ARHGAP24: variants seen among roughly 807,000 people sequenced by gnomAD.
The protein encoded by ARHGAP24 is Rho GTPase activating protein 24, also known as rho GTPase-activating protein 24.
ARHGAP24 carries 50 observed loss-of-function variants against 76.4 expected under a neutral mutation model. The observed-to-expected ratio is 0.65, with a 90% confidence interval of 0.52 to 0.83. ARHGAP24 has a LOEUF of 0.83. Among genes scored for constraint, ARHGAP24 ranks in the 40% least tolerant of loss-of-function variants. The pLI, the probability that ARHGAP24 is intolerant of heterozygous loss-of-function variation, is 0.00. For synonymous variants in ARHGAP24, 345 were observed against 323.3 expected, an observed-to-expected ratio of 1.07 and a Z score of -0.72; for missense variants, 930 against 914.2, an observed-to-expected ratio of 1.02 and a Z score of -0.22.
At chr4:85,963,592 G>A (rs1738388448) in intron 5 of ARHGAP24, among the ~76,000 whole-genome samples, 1 of 151,798 alleles carries the variant, frequency 6.6e-6, no homozygotes. Flanking sequence ...TTCTTTTTTG[G>A]TTAAAACACC....
At chr4:85,582,727 A>G (rs1212007404) in intron 2 of ARHGAP24, among the ~76,000 whole-genome samples, 1 of 152,140 alleles carries the variant, frequency 6.6e-6, no homozygotes, top group East Asian at 1.9e-4. Context: ...ACAACCTAGT[A>G]TTACCGGGGG....
intron 2 of ARHGAP24, among the ~76,000 whole-genome samples, chr4:85,587,859 G>C (rs1310237996): frequency 5.7e-4 from 87 of 152,172 alleles, no homozygotes; most frequent in Admixed American, 5.7e-3. Context: ...GCTCGATTAT[G>C]ATGGGGGAGA....
At chr4:85,961,419 G>A (rs761252109) in intron 5 of ARHGAP24, among the ~76,000 whole-genome samples, 2 of 152,140 alleles carry the variant, frequency 1.3e-5, no homozygotes, top group Admixed American at 6.6e-5. Flanking sequence ...TAGAGATTCA[G>A]CTGCGTAAAA....
intron 2 of ARHGAP24, among the ~76,000 whole-genome samples, chr4:85,699,856 A>G (rs1724009689): frequency 6.6e-6 from 1 of 152,164 alleles, no homozygotes; most frequent in Admixed American, 6.5e-5. Flanking sequence ...GATGTATCCA[A>G]AGTACCTAGA....
At chr4:85,907,535 A>G (rs1158222938) in intron 3 of ARHGAP24, among the ~76,000 whole-genome samples, 1 of 152,154 alleles carries the variant, frequency 6.6e-6, no homozygotes, top group Non-Finnish European at 1.5e-5. Flanking sequence ...TGGCTGATAC[A>G]TAATTACCAG....
At chr4:85,580,968 C>G (rs531463307) in intron 2 of ARHGAP24, among the ~76,000 whole-genome samples, 14 of 152,196 alleles carry the variant, frequency 9.2e-5, no homozygotes, top group Non-Finnish European at 2.1e-4. Flanking sequence ...CTATGTTATA[C>G]TCTTATATTT....
At chr4:85,562,985 G>A (rs917102241) in intron 1 of ARHGAP24, among the ~76,000 whole-genome samples, 1 of 152,170 alleles carries the variant, frequency 6.6e-6, no homozygotes, top group Non-Finnish European at 1.5e-5. Context: ...CTTGAGGTGA[G>A]AATTGTTGCT....
chr4:85,523,200 A>G (rs759927876), intron 1 of ARHGAP24, among the ~76,000 whole-genome samples: 1 of 152,210 alleles, frequency 6.6e-6, no homozygotes, highest in Non-Finnish European at 1.5e-5. Flanking sequence ...TGCTTACTAC[A>G]TGTCTAGCAC....
At chr4:85,693,314 G>A (rs1036692463) in intron 2 of ARHGAP24, among the ~76,000 whole-genome samples, 3 of 152,166 alleles carry the variant, frequency 2.0e-5, no homozygotes, top group East Asian at 1.9e-4. Flanking sequence ...GTTCTGGGAT[G>A]CAGGGCTCAC....
intron 2 of ARHGAP24, among the ~76,000 whole-genome samples, chr4:85,664,447 C>G (rs1198185756): frequency 6.6e-6 from 1 of 151,064 alleles, no homozygotes; most frequent in Non-Finnish European, 1.5e-5. Flanking sequence ...TTTTGTTGAT[C>G]CTTTCAAAAA....
chr4:85,606,284 CG>C (rs1214701512), intron 2 of ARHGAP24, among the ~76,000 whole-genome samples: 1 of 152,074 alleles, frequency 6.6e-6, no homozygotes, highest in Non-Finnish European at 1.5e-5. Context: ...AAGGCCAAGG[CG>C]GGCAGATCAT....
At chr4:85,687,894 C>T (rs1482984163) in intron 2 of ARHGAP24, among the ~76,000 whole-genome samples, 1 of 152,040 alleles carries the variant, frequency 6.6e-6, no homozygotes, top group Non-Finnish European at 1.5e-5. Flanking sequence ...TCACTGCAAC[C>T]TCCACCTCCC....
chr4:85,483,913 A>C (rs1407561868), intron 1 of ARHGAP24, among the ~76,000 whole-genome samples: 1 of 152,230 alleles, frequency 6.6e-6, no homozygotes, highest in Non-Finnish European at 1.5e-5. Flanking sequence ...TCTGATGTAC[A>C]CTAAAGCTTG....
intron 2 of ARHGAP24, among the ~76,000 whole-genome samples, chr4:85,646,314 A>G (rs1211223614): frequency 1.3e-5 from 2 of 152,076 alleles, no homozygotes; most frequent in Non-Finnish European, 2.9e-5. Flanking sequence ...GAAATATGCC[A>G]TCATCATCAT....
At chr4:85,839,073 C>A (rs964898386) in intron 3 of ARHGAP24, among the ~76,000 whole-genome samples, 5 of 152,122 alleles carry the variant, frequency 3.3e-5, no homozygotes. Flanking sequence ...CTGCTTAATT[C>A]CAAAGGGAAG....
chr4:85,895,097 A>G (rs6531876), intron 3 of ARHGAP24, among the ~76,000 whole-genome samples: 102,541 of 150,586 alleles, frequency 0.68, 35,238 homozygotes, highest in African/African-American at 0.72. Flanking sequence ...TATGTAATGC[A>G]TACACTGTAC....
At chr4:85,662,174 ACCTGT>A (rs1422712988) in intron 2 of ARHGAP24, among the ~76,000 whole-genome samples, 1 of 152,080 alleles carries the variant, frequency 6.6e-6, no homozygotes, top group Admixed American at 6.5e-5. Flanking sequence ...CCTCTCCAGC[ACCTGT>A]TGTTTCCTGA....
At chr4:85,632,316 A>G (rs1721183263) in intron 2 of ARHGAP24, among the ~76,000 whole-genome samples, 1 of 152,084 alleles carries the variant, frequency 6.6e-6, no homozygotes, top group East Asian at 1.9e-4. Context: ...TGCCACACAT[A>G]AAGCCTGACC....
chr4:85,661,624 G>A (rs1722389451), intron 2 of ARHGAP24, among the ~76,000 whole-genome samples: 1 of 151,800 alleles, frequency 6.6e-6, no homozygotes, highest in Admixed American at 6.6e-5. Context: ...CCATTAACTG[G>A]TCATTTAGCA....
Sources: gnomAD v4.1 joint callset for allele counts (sites outside exome capture counted in the v4.1 genomes callset) on GRCh38, gnomAD v4.1.1 for gene constraint, MANE v1.5 for transcripts, NCBI Gene and HGNC (gene_info 2026-07-23, HGNC 2026-07-21) for gene names.